Variants in STAU2 observed in about 807,000 individuals in gnomAD.
STAU2 encodes double-stranded RNA-binding protein Staufen homolog 2.
In STAU2, 20 loss-of-function variants were observed where a neutral mutation model predicts 65.9. The observed-to-expected ratio is 0.30, with a 90% CI of 0.21 to 0.44. STAU2 has a LOEUF of 0.44. Ranked by LOEUF, STAU2 falls within the 20% of genes least tolerant of loss-of-function variation. The probability of loss-of-function intolerance (pLI) is 1.00; values close to 1 mark genes in which losing one functional copy is unlikely to be tolerated. For missense variants in STAU2, 558 were observed against 683.9 expected, an observed-to-expected ratio of 0.82 and a Z score of 2.05; for synonymous variants, 232 against 233.9, an observed-to-expected ratio of 0.99 and a Z score of 0.07.
At chr8:73,739,121 T>A (rs1161975889) in intron 2 of STAU2, among the ~76,000 whole-genome samples, 1 of 150,306 alleles carries the variant, frequency 6.7e-6, no homozygotes, top group East Asian at 2.0e-4. Context: ...TAATCTCAGC[T>A]ACTCAGGAGG....
At chr8:73,744,857 G>C (rs1586402888) in intron 1 of STAU2, among the ~76,000 whole-genome samples, 1 of 152,100 alleles carries the variant, frequency 6.6e-6, no homozygotes, top group East Asian at 1.9e-4. Context: ...GATTTTCTTT[G>C]TATTATTCTT....
intron 4 of STAU2, 85 bp downstream of exon 4, chr8:73,708,947 C>T: frequency 7.5e-7 from 1 of 1,337,738 alleles, no homozygotes; most frequent in Non-Finnish European, 9.6e-7. Flanking sequence ...ACCCCCACTC[C>T]CCAAAATAAA....
At chr8:73,429,126 G>T (rs1437718386) in intron 13 of STAU2, among the ~76,000 whole-genome samples, 1 of 152,154 alleles carries the variant, frequency 6.6e-6, no homozygotes, top group Non-Finnish European at 1.5e-5. Flanking sequence ...GAATACAATA[G>T]CTTATAAGTA....
Position 73,436,568 on chromosome 8 carries a change from T to TTTATTTATTTATTTA in STAU2, c.1531-13867_1531-13866insTAAATAAATAAATAA, listed in dbSNP as rs1554589594. 4.4e-4 allele frequency among the ~76,000 whole-genome samples: 62 copies of TTTATTTATTTATTTA among 141,416 alleles called. 4 individuals carry two copies. Among genetic ancestry groups the TTTATTTATTTATTTA allele is most frequent in the African/African-American group, 1.5e-3 (57 of 37,202 alleles). 92.8% of individuals were successfully genotyped at this position (141,416 alleles called of 152,430 possible). On this transcript the variant is annotated intron_variant, in intron 13 of 14. Coordinates refer to ENST00000524300, the MANE Select transcript of STAU2 (RefSeq NM_001164380.2). ...ATGAATTATCAGTATTTTGCCAATT[T>TTTATTTATTTATTTA]TTTATTTATTTATTTATTTATTTAT...
intron 13 of STAU2, among the ~76,000 whole-genome samples, chr8:73,495,614 T>C (rs1424639220): frequency 6.8e-6 from 1 of 146,994 alleles, no homozygotes; most frequent in African/African-American, 2.5e-5. Flanking sequence ...AACTATATGG[T>C]CCCTTACTTA....
chr8:73,644,757 G>C (rs1815247106), intron 6 of STAU2, among the ~76,000 whole-genome samples: 1 of 151,996 alleles, frequency 6.6e-6, no homozygotes, highest in Non-Finnish European at 1.5e-5. Context: ...AAGAATCAGG[G>C]ATTATCACTA....
intron 4 of STAU2, among the ~76,000 whole-genome samples, chr8:73,693,237 G>C (rs1388244429): frequency 6.6e-6 from 1 of 152,184 alleles, no homozygotes; most frequent in Non-Finnish European, 1.5e-5. Context: ...ACTTTGGGAG[G>C]CCGAGGCGGG....
chr8:73,488,019 A>C (rs1017205226), intron 13 of STAU2, among the ~76,000 whole-genome samples: 2 of 152,062 alleles, frequency 1.3e-5, no homozygotes, highest in Non-Finnish European at 2.9e-5. Flanking sequence ...TCAAATATTT[A>C]AGCTAGGCCA....
chr8:73,713,328 A>T (rs1007456084), intron 3 of STAU2, among the ~76,000 whole-genome samples: 1 of 152,082 alleles, frequency 6.6e-6, no homozygotes, highest in South Asian at 2.1e-4. Flanking sequence ...GTGAAGAAAC[A>T]CAGCAACTGT....
intron 5 of STAU2, among the ~76,000 whole-genome samples, chr8:73,675,139 G>A (rs1189456816): frequency 6.6e-6 from 1 of 151,800 alleles, no homozygotes; most frequent in East Asian, 1.9e-4. Context: ...ACTGCAAAAG[G>A]AACACTCAAA....
chr8:73,502,310 T>C (rs1264989474), intron 13 of STAU2, among the ~76,000 whole-genome samples: 1 of 151,976 alleles, frequency 6.6e-6, no homozygotes, highest in Non-Finnish European at 1.5e-5. Flanking sequence ...TCTTACTTCA[T>C]ATTAACTGTT....
intron 13 of STAU2, among the ~76,000 whole-genome samples, chr8:73,435,630 C>T (rs949514189): frequency 2.0e-5 from 3 of 151,866 alleles, no homozygotes; most frequent in Admixed American, 6.6e-5. Flanking sequence ...CTATCTTGTC[C>T]GAGAGAAATG....
intron 6 of STAU2, among the ~76,000 whole-genome samples, chr8:73,622,814 G>A (rs1586142827): frequency 6.6e-6 from 1 of 152,154 alleles, no homozygotes; most frequent in Non-Finnish European, 1.5e-5. Context: ...AGTGCATGAC[G>A]TAAAATCAAA....
intron 6 of STAU2, among the ~76,000 whole-genome samples, chr8:73,648,143 G>C (rs1241502856): frequency 6.6e-6 from 1 of 152,184 alleles, no homozygotes; most frequent in Non-Finnish European, 1.5e-5. Context: ...TAAATCAATA[G>C]TAATTAGCAG....
At chr8:73,746,860 C>A, upstream of STAU2, 2 of 1,210,244 alleles carry the variant, frequency 1.7e-6, no homozygotes, top group Non-Finnish European at 2.1e-6. Flanking sequence ...CGGCCGCCGC[C>A]GGCTTCCACC....
intron 13 of STAU2, among the ~76,000 whole-genome samples, chr8:73,494,383 A>C (rs1821294206): frequency 6.6e-6 from 1 of 151,684 alleles, no homozygotes; most frequent in Admixed American, 6.6e-5. Context: ...TTCACTATAA[A>C]ATTCCGTCTC....
chr8:73,584,542 G>A (rs1444818606), intron 11 of STAU2, among the ~76,000 whole-genome samples: 1 of 152,114 alleles, frequency 6.6e-6, no homozygotes, highest in African/African-American at 2.4e-5. Context: ...ATTACTCTAA[G>A]GTCACACAGA....
chr8:73,696,568 T>C (rs896707468), intron 4 of STAU2, among the ~76,000 whole-genome samples: 2 of 152,220 alleles, frequency 1.3e-5, no homozygotes, highest in Non-Finnish European at 2.9e-5. Flanking sequence ...CAAGCTGATA[T>C]TCCAGAGTTT....
At chr8:73,465,880 A>G (rs1292356688) in intron 13 of STAU2, among the ~76,000 whole-genome samples, 1 of 152,108 alleles carries the variant, frequency 6.6e-6, no homozygotes, top group Non-Finnish European at 1.5e-5. Context: ...CAGTGATCTG[A>G]TCTCAGCTAG....
Sources: gnomAD v4.1 joint callset for allele counts (sites outside exome capture counted in the v4.1 genomes callset) on GRCh38, gnomAD v4.1.1 for gene constraint, MANE v1.5 for transcripts, NCBI Gene and HGNC (gene_info 2026-07-23, HGNC 2026-07-21) for gene names.